The following RPS6KA2 variants were observed in gnomAD, a reference collection of about 807,000 sequenced individuals.
RPS6KA2 encodes ribosomal protein S6 kinase alpha-2.
In RPS6KA2, 42 loss-of-function variants were observed where a neutral mutation model predicts 91.8. The observed-to-expected ratio is 0.46, with a 90% confidence interval of 0.36 to 0.59. The LOEUF (loss-of-function observed/expected upper bound fraction) is 0.59. Among genes scored for constraint, RPS6KA2 ranks in the 20% least tolerant of loss-of-function variants. RPS6KA2 has a pLI of 0.00. For synonymous variants in RPS6KA2, 414 were observed against 393.6 expected (o/e 1.05, Z -0.61); for missense variants, 798 against 978.5 (o/e 0.82, Z 2.46).
At chr6:166,797,186 T>A (rs753022825) in intron 2 of RPS6KA2, among the ~76,000 whole-genome samples, 3 of 152,222 alleles carry the variant, frequency 2.0e-5, no homozygotes, top group Non-Finnish European at 2.9e-5. Context: ...TCAGGCACTC[T>A]GCGTCCCAGG....
At chr6:166,587,577 T>C (rs1208383125) in intron 1 of RPS6KA2, among the ~76,000 whole-genome samples, 1 of 151,838 alleles carries the variant, frequency 6.6e-6, no homozygotes, top group Non-Finnish European at 1.5e-5. Context: ...GAATATCTCA[T>C]GCAGTGATAT....
At chr6:166,650,881 C>T (rs1253977107) in intron 2 of RPS6KA2, among the ~76,000 whole-genome samples, 4 of 152,136 alleles carry the variant, frequency 2.6e-5, no homozygotes, top group Admixed American at 1.3e-4. Flanking sequence ...CTGAACAGAA[C>T]CCATGAGGCT....
At chr6:166,859,618 A>G (rs977381161) in intron 1 of RPS6KA2, among the ~76,000 whole-genome samples, 2 of 152,146 alleles carry the variant, frequency 1.3e-5, no homozygotes, top group African/African-American at 4.8e-5. Flanking sequence ...AACCACAAAG[A>G]CTTTCCCTGG....
intron 3 of RPS6KA2, among the ~76,000 whole-genome samples, chr6:166,520,185 T>A (rs1331207186): frequency 1.3e-5 from 2 of 152,210 alleles, no homozygotes; most frequent in Non-Finnish European, 2.9e-5. Context: ...CACCAAGTTC[T>A]CAGGACTTCG....
At chr6:166,623,253 TTAA>T (rs1481550920) in intron 1 of RPS6KA2, among the ~76,000 whole-genome samples, 5 of 151,478 alleles carry the variant, frequency 3.3e-5, no homozygotes, top group Admixed American at 2.0e-4. Flanking sequence ...AAGTCTTGAG[TTAA>T]TAATCTCACT....
At chr6:166,590,306 G>A (rs1231145010) in intron 1 of RPS6KA2, among the ~76,000 whole-genome samples, 3 of 152,152 alleles carry the variant, frequency 2.0e-5, no homozygotes, top group East Asian at 1.9e-4. Context: ...CCTACTAAAC[G>A]CTGATAAGAA....
At chr6:166,526,261 A>G (rs1783026879) in intron 3 of RPS6KA2, among the ~76,000 whole-genome samples, 1 of 152,208 alleles carries the variant, frequency 6.6e-6, no homozygotes, top group African/African-American at 2.4e-5. Flanking sequence ...TATAAGATGT[A>G]AAACAATGAT....
At chr6:166,637,298 C>T (rs1787277920) in intron 2 of RPS6KA2, among the ~76,000 whole-genome samples, 1 of 152,232 alleles carries the variant, frequency 6.6e-6, no homozygotes, top group South Asian at 2.1e-4. Context: ...AAGGAGGGGC[C>T]ATGCGAAGTC....
chr6:166,681,712 A>C (rs1411553261), intron 2 of RPS6KA2, among the ~76,000 whole-genome samples: 2 of 9,768 alleles, frequency 2.0e-4, no homozygotes, highest in Non-Finnish European at 3.3e-4. Flanking sequence ...GCCCCCGCCC[A>C]AGATCTTGCT....
intron 2 of RPS6KA2, among the ~76,000 whole-genome samples, chr6:166,811,429 T>C (rs1305973419): frequency 6.6e-6 from 1 of 152,292 alleles, no homozygotes; most frequent in Admixed American, 6.5e-5. Context: ...CCTAACTACA[T>C]GCCTGGGCAA....
At chr6:166,550,250 A>C (rs1399451298) in intron 1 of RPS6KA2, among the ~76,000 whole-genome samples, 1 of 152,230 alleles carries the variant, frequency 6.6e-6, no homozygotes, top group South Asian at 2.1e-4. Context: ...AAACTATGCG[A>C]CATTCCCTCT....
intron 2 of RPS6KA2, among the ~76,000 whole-genome samples, chr6:166,663,430 G>C (rs558786924): frequency 1.3e-5 from 2 of 152,282 alleles, no homozygotes; most frequent in East Asian, 3.9e-4. Flanking sequence ...AAAGCACAAA[G>C]CACAGTCCAC....
intron 2 of RPS6KA2, among the ~76,000 whole-genome samples, chr6:166,679,658 G>A (rs184712140): frequency 9.2e-5 from 14 of 152,310 alleles, no homozygotes; most frequent in South Asian, 2.1e-4. Flanking sequence ...CGATCTGGCC[G>A]CGCTCGAGGA....
chr6:166,416,131 C>CTCGCCATCCTTTCTCCATCACTT (rs1778504385), intron 19 of RPS6KA2, among the ~76,000 whole-genome samples: 1 of 5,554 alleles, frequency 1.8e-4, no homozygotes, highest in African/African-American at 5.8e-4. Context: ...CTTCATCACC[C>CTCGCCATCCTTTCTCCATCACTT]CCACCATCAC....
chr6:166,548,479 T>C (rs903362346), intron 1 of RPS6KA2, among the ~76,000 whole-genome samples: 27 of 152,202 alleles, frequency 1.8e-4, no homozygotes, highest in African/African-American at 5.8e-4. Flanking sequence ...TGGTGTGCTA[T>C]TGGTGAAGGG....
chr6:166,786,366 G>A (rs1051514606), intron 2 of RPS6KA2, among the ~76,000 whole-genome samples: 2 of 152,082 alleles, frequency 1.3e-5, no homozygotes, highest in Admixed American at 6.5e-5. Context: ...AAGCAAACCA[G>A]TTAAAAGGAG....
chr6:166,776,946 A>T (rs1281019825), intron 2 of RPS6KA2, among the ~76,000 whole-genome samples: 1 of 152,210 alleles, frequency 6.6e-6, no homozygotes, highest in Admixed American at 6.5e-5. Flanking sequence ...GGTCAGCCGC[A>T]GCCTTTCATG....
intron 2 of RPS6KA2, among the ~76,000 whole-genome samples, chr6:166,838,864 G>C (rs545702990): frequency 5.9e-4 from 82 of 137,894 alleles, no homozygotes; most frequent in African/African-American, 2.8e-3. Flanking sequence ...TTTTCTATGT[G>C]AGTTTAATCT....
At chr6:166,763,736 G>A (rs1414941685) in intron 2 of RPS6KA2, among the ~76,000 whole-genome samples, 3 of 152,186 alleles carry the variant, frequency 2.0e-5, no homozygotes, top group Admixed American at 2.0e-4. Context: ...GGCACCACAC[G>A]GATGAACGGC....
Sources: gnomAD v4.1 joint callset for allele counts (sites outside exome capture counted in the v4.1 genomes callset) on GRCh38, gnomAD v4.1.1 for gene constraint, MANE v1.5 for transcripts, NCBI Gene and HGNC (gene_info 2026-07-23, HGNC 2026-07-21) for gene names.